SEMA3E: variants seen among roughly 807,000 people sequenced by gnomAD.
The protein encoded by SEMA3E is semaphorin-3E.
In SEMA3E, 49 loss-of-function variants were observed where a neutral mutation model predicts 93.6. The observed-to-expected ratio is 0.52, with a 90% CI of 0.42 to 0.66. SEMA3E has a LOEUF of 0.66. Ranked by LOEUF, SEMA3E falls within the 30% of genes least tolerant of loss-of-function variation. The pLI, the probability that SEMA3E is intolerant of heterozygous loss-of-function variation, is 0.00. For synonymous variants in SEMA3E, 363 were observed against 330.7 expected, an observed-to-expected ratio of 1.10 and a Z score of -1.06; for missense variants, 906 against 964.8, an observed-to-expected ratio of 0.94 and a Z score of 0.81.
chr7:83,495,142 C>T (rs1790464185), intron 1 of SEMA3E, among the ~76,000 whole-genome samples: 1 of 151,800 alleles, frequency 6.6e-6, no homozygotes, highest in Admixed American at 6.6e-5. Context: ...GATAGCTTTT[C>T]ATGATTATAT....
At chr7:83,584,774 G>T (rs1422981444) in intron 1 of SEMA3E, among the ~76,000 whole-genome samples, 2 of 152,088 alleles carry the variant, frequency 1.3e-5, no homozygotes, top group African/African-American at 2.4e-5. Context: ...TTATTTAAAT[G>T]AAGTTTAAAT....
At chr7:83,434,174 T>C (rs1301023495) in intron 4 of SEMA3E, among the ~76,000 whole-genome samples, 1 of 152,116 alleles carries the variant, frequency 6.6e-6, no homozygotes. Context: ...TTCCGTCAAA[T>C]GAACACCTAA....
intron 1 of SEMA3E, among the ~76,000 whole-genome samples, chr7:83,589,901 G>T (rs967994520): frequency 2.6e-5 from 4 of 152,012 alleles, no homozygotes; most frequent in African/African-American, 4.8e-5. Flanking sequence ...AAACCTTAAT[G>T]CTTTTATTAA....
chr7:83,455,998 C>T (rs1789469825), intron 4 of SEMA3E, among the ~76,000 whole-genome samples: 1 of 152,208 alleles, frequency 6.6e-6, no homozygotes, highest in Non-Finnish European at 1.5e-5. Context: ...TGGACTCTCA[C>T]GTCCCACAGA....
rs182850244 is a variant in SEMA3E, at chr7:83,507,560, G to A, written c.116-17286C>T. On this transcript the variant is annotated intron_variant, in intron 1 of 16. Coordinates refer to ENST00000643230, the MANE Select transcript of SEMA3E (RefSeq NM_012431.3). ...AACCTGAATGTTGGGAGAGCAGCAA[G>A]CAGGGGCAAGCAGGTGGTGGAAAAA... Among the ~76,000 whole-genome samples, 12 of 151,776 alleles carry A rather than the reference G, an allele frequency of 7.9e-5. No individual in the cohort carries two copies. In the South Asian group the frequency reaches 2.3e-3, roughly 29 times the overall value.
intron 1 of SEMA3E, among the ~76,000 whole-genome samples, chr7:83,535,329 C>A (rs944100238): frequency 4.6e-5 from 7 of 151,890 alleles, no homozygotes; most frequent in East Asian, 3.9e-4. Context: ...ATTTGCTGTG[C>A]TTTTGTCAGT....
Position 83,616,688 on chromosome 7 carries a change from C to T in SEMA3E, c.115+31740G>A, listed in dbSNP as rs565177232. ...TTGTGAAGGCCCAGATGAGATCCCA[C>T]CTCTGACAAGAAACACTCTTCATTC... On this transcript the variant is annotated intron_variant, in intron 1 of 16. Coordinates refer to ENST00000643230, the MANE Select transcript of SEMA3E (RefSeq NM_012431.3). 17 of 453,912 alleles carry T rather than the reference C, an allele frequency of 3.7e-5. No homozygotes were observed. The East Asian group carries it at 1.2e-3, about 32-fold the overall frequency. 28.1% of individuals were successfully genotyped at this position (453,912 alleles called of 1,614,324 possible). A position where few individuals can be genotyped will look rare whatever the true frequency, so the allele number is the denominator to read the frequency against.
intron 1 of SEMA3E, among the ~76,000 whole-genome samples, chr7:83,534,499 T>G (rs1791371414): frequency 6.6e-6 from 1 of 150,614 alleles, no homozygotes; most frequent in Non-Finnish European, 1.5e-5. Flanking sequence ...AAGAATGATA[T>G]TAATAGAAAT....
At chr7:83,521,900 A>G (rs1263169264) in intron 1 of SEMA3E, among the ~76,000 whole-genome samples, 1 of 152,134 alleles carries the variant, frequency 6.6e-6, no homozygotes, top group African/African-American at 2.4e-5. Flanking sequence ...AAGAAGACTC[A>G]ACTCAGTTCA....
intron 1 of SEMA3E, among the ~76,000 whole-genome samples, chr7:83,556,548 A>G (rs536952631): frequency 3.5e-4 from 54 of 152,306 alleles, no homozygotes; most frequent in African/African-American, 1.3e-3. Context: ...GTCAATTTTA[A>G]TGACTATATC....
intron 5 of SEMA3E, among the ~76,000 whole-genome samples, chr7:83,416,360 AC>A (rs1343322689): frequency 6.6e-6 from 1 of 151,888 alleles, no homozygotes; most frequent in East Asian, 1.9e-4. Flanking sequence ...GTTCAATGAA[AC>A]TCACTTAGAA....
At chr7:83,639,329 T>C (rs1053087573) in intron 1 of SEMA3E, among the ~76,000 whole-genome samples, 2 of 151,926 alleles carry the variant, frequency 1.3e-5, no homozygotes, top group Non-Finnish European at 2.9e-5. Context: ...TCCTGTGCAA[T>C]GTAATTCAAT....
intron 16 of SEMA3E, among the ~76,000 whole-genome samples, chr7:83,379,336 TC>T (rs1169724023): frequency 1.3e-5 from 2 of 151,358 alleles, no homozygotes; most frequent in Non-Finnish European, 3.0e-5. Context: ...AAGGCCAGAG[TC>T]ACCACTATGC....
chr7:83,523,251 C>T (rs1365244366), intron 1 of SEMA3E, among the ~76,000 whole-genome samples: 1 of 151,994 alleles, frequency 6.6e-6, no homozygotes, highest in Non-Finnish European at 1.5e-5. Flanking sequence ...CTGAACTTGA[C>T]CTTTGTTGAG....
At chr7:83,479,932 C>G (rs1790111042) in intron 2 of SEMA3E, among the ~76,000 whole-genome samples, 2 of 152,104 alleles carry the variant, frequency 1.3e-5, no homozygotes, top group Admixed American at 1.3e-4. Context: ...TACATAAGAT[C>G]TAGTGCTTCT....
chr7:83,619,904 C>CAGACAGATAGATAGATAGAT (rs71522672), intron 1 of SEMA3E, among the ~76,000 whole-genome samples: 70 of 148,142 alleles, frequency 4.7e-4, no homozygotes, highest in Middle Eastern at 3.5e-3. Flanking sequence ...GATAGATAGA[C>CAGACAGATAGATAGATAGAT]AGATAGATAG....
chr7:83,411,045 AT>A (rs1308787341), intron 5 of SEMA3E, among the ~76,000 whole-genome samples: 1 of 152,056 alleles, frequency 6.6e-6, no homozygotes, highest in African/African-American at 2.4e-5. Flanking sequence ...AATTGAAAAT[AT>A]TTTTATGGGA....
chr7:83,454,272 A>AAATATATATATATATATATATATAT (rs1257792756), intron 4 of SEMA3E, among the ~76,000 whole-genome samples: 1 of 110,136 alleles, frequency 9.1e-6, no homozygotes, highest in African/African-American at 4.3e-5. Context: ...AAAAAAAAAA[A>AAATATATATATATATATATATATAT]ATATATATAT....
At chr7:83,537,135 AG>A (rs1425047965) in intron 1 of SEMA3E, among the ~76,000 whole-genome samples, 1 of 151,998 alleles carries the variant, frequency 6.6e-6, no homozygotes, top group Non-Finnish European at 1.5e-5. Flanking sequence ...ATCTGCAAGC[AG>A]GAAGACAGCC....
Sources: allele counts gnomAD v4.1 joint callset (sites outside exome capture counted in the v4.1 genomes callset), GRCh38; gene constraint gnomAD v4.1.1; transcripts MANE v1.5; gene names NCBI Gene and HGNC (gene_info 2026-07-23, HGNC 2026-07-21).